The following MASP1 variants were observed in gnomAD, a reference collection of about 807,000 sequenced individuals.
The protein encoded by MASP1 is MBL associated serine protease 1.
A neutral mutation model predicts 77.1 loss-of-function variants in MASP1; 59 were observed. The ratio of observed to expected loss-of-function variants is 0.77; its 90% CI spans 0.62 to 0.95. The LOEUF is 0.95. MASP1 is among the 40% of genes least tolerant of loss of function. MASP1 has a pLI of 0.00. For missense variants in MASP1, 885 were observed against 912.9 expected, an observed-to-expected ratio of 0.97 and a Z score of 0.39; for synonymous variants, 362 against 354.5, an observed-to-expected ratio of 1.02 and a Z score of -0.24.
chr3:187,266,220 C>A (rs1392241305), intron 2 of MASP1, among the ~76,000 whole-genome samples: 1 of 152,156 alleles, frequency 6.6e-6, no homozygotes, highest in African/African-American at 2.4e-5. Context: ...GGCTGTATGT[C>A]CTCAATTTGT....
downstream of MASP1, among the ~76,000 whole-genome samples, chr3:187,231,758 T>C (rs1712780100): frequency 1.3e-5 from 2 of 152,350 alleles, no homozygotes; most frequent in South Asian, 4.1e-4. Flanking sequence ...GAAACCAAAG[T>C]CTGGTAAGAC....
intron 14 of MASP1, among the ~76,000 whole-genome samples, chr3:187,221,554 C>T (rs899986741): frequency 6.6e-6 from 1 of 152,144 alleles, no homozygotes; most frequent in Non-Finnish European, 1.5e-5. Flanking sequence ...ACTCTGAGAC[C>T]CTTTTTCCTC....
downstream of MASP1, chr3:187,229,622 C>T (rs850318): frequency 0.99 from 1,142,089 of 1,155,158 alleles, 565,575 homozygotes; most frequent in East Asian, 1. Flanking sequence ...TCCAGTCTAG[C>T]CGAGAACTCT....
In MASP1 at chr3:187,256,796, G is replaced by T. The variant is rs553088802; in HGVS notation, c.612C>A (p.Asn204Lys). The change falls in exon 5 of 11, where the codon AAC becomes AAA. Residue 204 changes from asparagine (N) to lysine (K), a missense_variant. Transcript: ENST00000296280. ...TGVITSPDFP[N>K]PYPKSSECLY... The stretch of plus-strand genomic sequence containing the variant: ...GGCATTCAGAGCTCTTGGGGTAAGG[G>T]TTTGGGAAGTCAGGGCTGGTGATCA... 3 of 1,614,028 alleles carry T rather than the reference G, an allele frequency of 1.9e-6. No individual in the cohort carries two copies. In the African/African-American group the frequency reaches 4.0e-5, roughly 22 times the overall value.
chr3:187,236,118 G>T lies in MASP1; in HGVS notation c.1753C>A (p.His585Asn), dbSNP rs111908734. ...PRLEPEGPAP[H>N]MLGLVAGWGI... ...CAGCCGGCCACCAGGCCCAGCATGT[G>T]GGGGGCCGGGCCTTCAGGCTCAAGC... The change falls in exon 11 of 11, where the codon CAC becomes AAC. Residue 585 changes from histidine (H) to asparagine (N), a missense_variant. By Grantham distance (68) the His-to-Asn change is moderately conservative. Transcript: ENST00000296280. 1.8e-5 allele frequency: 29 copies of T among 1,613,730 alleles called. No individual in the cohort carries two copies. The African/African-American group carries it at 2.4e-4, about 13-fold the overall frequency.
rs752031003 is a variant in MASP1 at position 187,236,389 on chromosome 3, T to C, written c.1482A>G (p.Thr494=). ...GALLSASWIL[T]AAHVLRSQRR... Reference sequence around the variant, plus strand: ...GCTGGGAGCGCAGCACATGAGCTGCTGTGAGGATCCAGGACGCAGAGAGCA... The same window carrying C: ...GCTGGGAGCGCAGCACATGAGCTGCCGTGAGGATCCAGGACGCAGAGAGCA... Residue 494 remains threonine (T), a synonymous_variant, in exon 11 of 11, where the codon ACA becomes ACG. Coordinates refer to ENST00000296280, the MANE Select transcript of MASP1 (RefSeq NM_139125.4). The C allele has an allele frequency of 1.9e-6, 3 of 1,614,212 alleles. No individual in the cohort carries two copies. Among genetic ancestry groups the C allele is most frequent in the Non-Finnish European group, 2.5e-6 (3 of 1,180,044 alleles).
intron 11 of MASP1, among the ~76,000 whole-genome samples, chr3:187,228,866 T>C (rs898622313): frequency 6.6e-5 from 10 of 152,214 alleles, no homozygotes; most frequent in African/African-American, 2.4e-4. Flanking sequence ...GTAGCCCTGG[T>C]GCTTTGGCTG....
intron 1 of MASP1, among the ~76,000 whole-genome samples, chr3:187,290,083 C>G (rs1318687274): frequency 6.6e-6 from 1 of 152,096 alleles, no homozygotes; most frequent in East Asian, 1.9e-4. Flanking sequence ...TAGGTGCTGG[C>G]CATACAAAGA....
intron 2 of MASP1, among the ~76,000 whole-genome samples, chr3:187,284,149 T>G (rs1717659671): frequency 6.6e-6 from 1 of 152,250 alleles, no homozygotes; most frequent in Non-Finnish European, 1.5e-5. Flanking sequence ...CTTTATCAGT[T>G]AGTCTTTATT....
At chr3:187,262,997 A>G in intron 2 of MASP1, 1 of 417,702 alleles carries the variant, frequency 2.4e-6, no homozygotes. Flanking sequence ...ATTAAAAATA[A>G]CTCAATATGA....
intron 8 of MASP1, among the ~76,000 whole-genome samples, chr3:187,249,165 C>T (rs1219105647): frequency 2.0e-5 from 3 of 152,234 alleles, no homozygotes; most frequent in African/African-American, 7.2e-5. Context: ...TCCAGCAATT[C>T]TCCCGCCTCA....
At chr3:187,267,017 AG>A (rs1218849837) in intron 2 of MASP1, among the ~76,000 whole-genome samples, 2 of 152,244 alleles carry the variant, frequency 1.3e-5, no homozygotes, top group Non-Finnish European at 2.9e-5. Flanking sequence ...GGCTCCTCAA[AG>A]CAATGTATAG....
chr3:187,247,901 C>T (rs1288179909), intron 8 of MASP1, among the ~76,000 whole-genome samples: 1 of 152,192 alleles, frequency 6.6e-6, no homozygotes, highest in African/African-American at 2.4e-5. Flanking sequence ...TCCCATGGCA[C>T]AGAGCTGGGG....
chr3:187,286,644 T>C (rs768072761), intron 1 of MASP1, among the ~76,000 whole-genome samples: 8 of 152,166 alleles, frequency 5.3e-5, no homozygotes, highest in African/African-American at 9.7e-5. Context: ...AATAGACTAA[T>C]AAAGAGTTGC....
At chr3:187,270,738 C>T (rs1361468278) in intron 2 of MASP1, among the ~76,000 whole-genome samples, 1 of 152,206 alleles carries the variant, frequency 6.6e-6, no homozygotes, top group Non-Finnish European at 1.5e-5. Context: ...TGAAGAAGCC[C>T]TGTGAGGCCA....
At chr3:187,239,187 T>TAA (rs4012004) in intron 10 of MASP1, among the ~76,000 whole-genome samples, 3 of 123,214 alleles carry the variant, frequency 2.4e-5, no homozygotes, top group Non-Finnish European at 3.6e-5. Context: ...TACTAAAAAT[T>TAA]AAAAAAAAAA....
At chr3:187,217,486 A>G (rs1162005026) in exon 16 of MASP1, 1 of 152,266 alleles carries the variant, frequency 6.6e-6, no homozygotes, top group African/African-American at 2.4e-5. Flanking sequence ...GAGGCAGCAC[A>G]TTTAAAACAT....
chr3:187,250,512 T>G (rs1714484600), intron 7 of MASP1, among the ~76,000 whole-genome samples, 183 bp from the exon 8 acceptor site: 1 of 152,128 alleles, frequency 6.6e-6, no homozygotes, highest in Non-Finnish European at 1.5e-5. Flanking sequence ...TCATACCTCC[T>G]TTTCATACTC....
At chr3:187,227,586 C>T (rs927940930) in intron 11 of MASP1, among the ~76,000 whole-genome samples, 5 of 152,166 alleles carry the variant, frequency 3.3e-5, no homozygotes, top group African/African-American at 1.2e-4. Context: ...AGTGCTTAGT[C>T]TCAGAGCAGG....
Sources: allele counts gnomAD v4.1 joint callset (sites outside exome capture counted in the v4.1 genomes callset), GRCh38; gene constraint gnomAD v4.1.1; transcripts MANE v1.5; gene names NCBI Gene and HGNC (gene_info 2026-07-23, HGNC 2026-07-21).